Variants in HS3ST5 observed in about 807,000 individuals in gnomAD.
The protein encoded by HS3ST5 is heparan sulfate-glucosamine 3-sulfotransferase 5.
Under a neutral mutation model 25.4 loss-of-function variants are expected in HS3ST5, and 10 were observed. The ratio of observed to expected loss-of-function variants is 0.39; its 90% confidence interval spans 0.24 to 0.67. The LOEUF (loss-of-function observed/expected upper bound fraction) is 0.67. Among genes scored for constraint, HS3ST5 ranks in the 30% least tolerant of loss-of-function variants. The probability of loss-of-function intolerance (pLI) is 0.44; values close to 1 mark genes in which losing one functional copy is unlikely to be tolerated. For missense variants in HS3ST5, 324 were observed against 420.7 expected, an observed-to-expected ratio of 0.77 and a Z score of 2.01; for synonymous variants, 170 against 162.4, an observed-to-expected ratio of 1.05 and a Z score of -0.36.
intron 2 of HS3ST5, among the ~76,000 whole-genome samples, chr6:114,194,404 G>A (rs1410776247): frequency 2.0e-5 from 3 of 152,178 alleles, no homozygotes; most frequent in Non-Finnish European, 2.9e-5. Context: ...CAGGATGGGA[G>A]GTCGGACACA....
intron 1 of HS3ST5, among the ~76,000 whole-genome samples, chr6:114,339,357 T>G (rs978657130): frequency 2.6e-5 from 4 of 152,170 alleles, no homozygotes; most frequent in Non-Finnish European, 5.9e-5. Flanking sequence ...CTGCTAGACA[T>G]GTCAAGAGCA....
At chr6:114,230,929 T>C (rs1771560052) in intron 1 of HS3ST5, among the ~76,000 whole-genome samples, 1 of 152,150 alleles carries the variant, frequency 6.6e-6, no homozygotes, top group Admixed American at 6.5e-5. Flanking sequence ...ATTGGATCCC[T>C]ATTCTTTTCA....
At chr6:114,272,236 A>C (rs370127748) in intron 1 of HS3ST5, among the ~76,000 whole-genome samples, 1 of 152,108 alleles carries the variant, frequency 6.6e-6, no homozygotes, top group Non-Finnish European at 1.5e-5. Flanking sequence ...GGTAGACGAT[A>C]TGTTGTAAAG....
At chr6:114,161,583 A>G (rs1463346213) in intron 3 of HS3ST5, among the ~76,000 whole-genome samples, 6 of 108,200 alleles carry the variant, frequency 5.5e-5, no homozygotes, top group Non-Finnish European at 1.1e-4. Context: ...ATAAAATGCA[A>G]TGGCGTGTAT....
chr6:114,206,062 C>T (rs1165807362), intron 2 of HS3ST5, among the ~76,000 whole-genome samples: 2 of 152,152 alleles, frequency 1.3e-5, no homozygotes, highest in Non-Finnish European at 1.5e-5. Flanking sequence ...TCTAGACCTT[C>T]CTGCTCCCTC....
At chr6:114,223,106 G>T (rs1332434458) in intron 2 of HS3ST5, among the ~76,000 whole-genome samples, 1 of 151,252 alleles carries the variant, frequency 6.6e-6, no homozygotes, top group East Asian at 1.9e-4. Context: ...TTTTGCTGAG[G>T]TATATATAAT....
At chr6:114,232,199 C>G (rs1771630980) in intron 1 of HS3ST5, among the ~76,000 whole-genome samples, 1 of 152,148 alleles carries the variant, frequency 6.6e-6, no homozygotes, top group Non-Finnish European at 1.5e-5. Context: ...CCAGATTCTT[C>G]TAATTCATAA....
intron 3 of HS3ST5, among the ~76,000 whole-genome samples, chr6:114,075,486 T>C (rs1392722800): frequency 6.6e-6 from 1 of 152,244 alleles, no homozygotes; most frequent in Non-Finnish European, 1.5e-5. Context: ...CAGACATTAC[T>C]AAAGTAACTA....
chr6:114,125,667 T>G (rs974409122), intron 3 of HS3ST5, among the ~76,000 whole-genome samples: 2 of 152,188 alleles, frequency 1.3e-5, no homozygotes, highest in African/African-American at 4.8e-5. Flanking sequence ...ACTGGGACCC[T>G]GAGTTGAACT....
intron 2 of HS3ST5, among the ~76,000 whole-genome samples, chr6:114,189,260 A>T (rs1199420275): frequency 6.6e-6 from 1 of 152,078 alleles, no homozygotes. Context: ...ACATGATTTG[A>T]TACTTTATCC....
intron 1 of HS3ST5, among the ~76,000 whole-genome samples, chr6:114,253,858 C>T (rs1333764474): frequency 6.6e-6 from 1 of 152,172 alleles, no homozygotes; most frequent in East Asian, 1.9e-4. Flanking sequence ...GCCCTCTGCT[C>T]ATTGCCTCAG....
intron 3 of HS3ST5, among the ~76,000 whole-genome samples, chr6:114,150,931 G>A (rs1329211886): frequency 6.6e-6 from 1 of 152,252 alleles, no homozygotes; most frequent in Non-Finnish European, 1.5e-5. Context: ...GAATTCTAGT[G>A]CAACTAGAAA....
intron 2 of HS3ST5, among the ~76,000 whole-genome samples, chr6:114,174,994 A>G (rs879631889): frequency 1.9e-4 from 29 of 152,312 alleles, no homozygotes; most frequent in Admixed American, 5.2e-4. Context: ...TGTCAAAAAA[A>G]GAAAAAAGAA....
intron 3 of HS3ST5, among the ~76,000 whole-genome samples, chr6:114,119,463 T>C: frequency 6.6e-6 from 1 of 152,192 alleles, no homozygotes; most frequent in East Asian, 1.9e-4. Flanking sequence ...AAATTGAAAT[T>C]AAACTGCCTC....
At chr6:114,170,247 A>T (rs543934125) in intron 2 of HS3ST5, among the ~76,000 whole-genome samples, 1 of 152,282 alleles carries the variant, frequency 6.6e-6, no homozygotes, top group South Asian at 2.1e-4. Context: ...TTTAAAAAAT[A>T]CAAATTTATA....
At chr6:114,144,246 A>T (rs1778046632) in intron 3 of HS3ST5, among the ~76,000 whole-genome samples, 1 of 152,160 alleles carries the variant, frequency 6.6e-6, no homozygotes, top group Non-Finnish European at 1.5e-5. Flanking sequence ...CTGTACAGAG[A>T]CAAGCATGCA....
intron 2 of HS3ST5, among the ~76,000 whole-genome samples, chr6:114,202,113 A>G (rs1263366108): frequency 1.3e-5 from 2 of 152,072 alleles, no homozygotes; most frequent in African/African-American, 2.4e-5. Flanking sequence ...AACCTCTACA[A>G]AAAAGTTTAA....
At chr6:114,103,953 G>A (rs895527024) in intron 3 of HS3ST5, among the ~76,000 whole-genome samples, 7 of 148,060 alleles carry the variant, frequency 4.7e-5, no homozygotes, top group Non-Finnish European at 7.4e-5. Context: ...CGCCCATCTC[G>A]GCCTCCCAAA....
intron 1 of HS3ST5, among the ~76,000 whole-genome samples, chr6:114,284,808 T>C (rs1774267963): frequency 6.6e-6 from 1 of 151,850 alleles, no homozygotes; most frequent in Non-Finnish European, 1.5e-5. Context: ...AATATATACA[T>C]ATAGATCAGA....
Sources: allele counts gnomAD v4.1 joint callset (sites outside exome capture counted in the v4.1 genomes callset), GRCh38; gene constraint gnomAD v4.1.1; transcripts MANE v1.5; gene names NCBI Gene and HGNC (gene_info 2026-07-23, HGNC 2026-07-21).